The following ADGRV1 variants were observed in gnomAD, a reference collection of about 807,000 sequenced individuals.
The protein encoded by ADGRV1 is adhesion G protein-coupled receptor V1, also known as G-protein coupled receptor 98.
Under a neutral mutation model 596.2 loss-of-function variants are expected in ADGRV1, and 359 were observed. The ratio of observed to expected loss-of-function variants is 0.60; its 90% CI spans 0.55 to 0.66. The LOEUF is 0.66. Among genes scored for constraint, ADGRV1 ranks in the 30% least tolerant of loss-of-function variants. The pLI is 0.00. For synonymous variants in ADGRV1, 2,681 were observed against 2,679.2 expected, an observed-to-expected ratio of 1.00 and a Z score of -0.02; for missense variants, 7,274 against 7,575.6, an observed-to-expected ratio of 0.96 and a Z score of 1.48.
intron 21 of ADGRV1, among the ~76,000 whole-genome samples, chr5:90,665,800 T>A (rs1397454970): frequency 6.6e-6 from 1 of 151,044 alleles, no homozygotes; most frequent in Non-Finnish European, 1.5e-5. Flanking sequence ...TCCCAGAGAT[T>A]CTGGTATGTT....
chr5:91,120,295 G>A (rs1793197036), intron 87 of ADGRV1, among the ~76,000 whole-genome samples: 1 of 152,208 alleles, frequency 6.6e-6, no homozygotes, highest in Non-Finnish European at 1.5e-5. Flanking sequence ...GATTTTTCTA[G>A]AGAAGCCAGA....
intron 77 of ADGRV1, among the ~76,000 whole-genome samples, chr5:90,834,333 T>A (rs1409047382): frequency 6.6e-6 from 1 of 152,156 alleles, no homozygotes. Context: ...ATAGGACTGG[T>A]GTTGATAAAA....
chr5:90,839,441 C>T (rs1765246024), intron 77 of ADGRV1, among the ~76,000 whole-genome samples: 1 of 152,112 alleles, frequency 6.6e-6, no homozygotes, highest in African/African-American at 2.4e-5. Context: ...GTCTTGATCT[C>T]CTGACCTTGT....
At chr5:90,926,563 G>T (rs2150770981) in intron 83 of ADGRV1, among the ~76,000 whole-genome samples, 1 of 151,332 alleles carries the variant, frequency 6.6e-6, no homozygotes, top group East Asian at 1.9e-4. Context: ...TATCAATTTT[G>T]TTGATCCTTT....
intron 86 of ADGRV1, among the ~76,000 whole-genome samples, chr5:91,083,105 A>G (rs1789546188): frequency 6.6e-6 from 1 of 152,176 alleles, no homozygotes; most frequent in Non-Finnish European, 1.5e-5. Context: ...TTAAAAATGA[A>G]TGGTTAGCCA....
intron 83 of ADGRV1, among the ~76,000 whole-genome samples, chr5:90,932,053 C>T (rs1775299552): frequency 6.6e-6 from 1 of 152,128 alleles, no homozygotes; most frequent in Admixed American, 6.5e-5. Context: ...AAATTTTCCA[C>T]TTGCTAGAAG....
At chr5:91,006,866 A>G (rs969653750) in intron 85 of ADGRV1, among the ~76,000 whole-genome samples, 4 of 152,158 alleles carry the variant, frequency 2.6e-5, no homozygotes, top group African/African-American at 9.7e-5. Context: ...ATATCTTTGT[A>G]TAACCTCTGA....
chr5:90,730,049 G>A (rs1752348689), intron 50 of ADGRV1, among the ~76,000 whole-genome samples: 1 of 152,098 alleles, frequency 6.6e-6, no homozygotes, highest in Non-Finnish European at 1.5e-5. Context: ...TGTATTTTTA[G>A]TAGAGACGGG....
In ADGRV1 at chr5:90,703,765, T is replaced by C. The variant is rs1400073577; in HGVS notation, c.8256T>C (p.Ala2752=). ...GGCAAAATCTAGAACTCAATTTTGCTAACTTTAGCGGACAACTTTTCTTTC... is the reference window on the plus strand; with the variant it reads ...GGCAAAATCTAGAACTCAATTTTGCCAACTTTAGCGGACAACTTTTCTTTC... The part of the protein sequence containing the change: ...IIGQNLELNF[A]NFSGQLFFPE... Residue 2752 remains alanine (A), a synonymous_variant, in exon 35 of 90, where the codon GCT becomes GCC. Transcript: ENST00000405460. 1 of 1,602,086 alleles carries C rather than the reference T, an allele frequency of 6.2e-7. No homozygotes were observed. The highest frequency in any genetic ancestry group is 1.1e-5 in the South Asian group (1 of 88,592).
At chr5:90,839,251 A>G (rs1765228133) in intron 77 of ADGRV1, among the ~76,000 whole-genome samples, 1 of 151,792 alleles carries the variant, frequency 6.6e-6, no homozygotes, top group Non-Finnish European at 1.5e-5. Flanking sequence ...GTCTCACTCT[A>G]TTGCCCAGGC....
At chr5:90,860,255 A>G (rs1017546360) in intron 82 of ADGRV1, among the ~76,000 whole-genome samples, 2 of 152,092 alleles carry the variant, frequency 1.3e-5, no homozygotes, top group Non-Finnish European at 2.9e-5. Context: ...TAATACACAG[A>G]ACTTTTATAC....
At chr5:90,828,922 T>C (rs1434388549) in intron 76 of ADGRV1, 22 bp from the exon 77 acceptor site, 2 of 1,510,954 alleles carry the variant, frequency 1.3e-6, no homozygotes, top group African/African-American at 1.4e-5. Context: ...AGTTGTTTTT[T>C]TTTCCTTTTT....
Position 91,148,753 on chromosome 5 carries a change from T to G in ADGRV1, c.18433-1277T>G, listed in dbSNP as rs114738103. 7.6e-3 allele frequency among the ~76,000 whole-genome samples: 1,161 copies of G among 152,154 alleles called. 20 individuals carry two copies. Among genetic ancestry groups the G allele is most frequent in the African/African-American group, 0.027 (1,116 of 41,482 alleles). ...CCACAAACAGCATGCACTGTGTGCC[T>G]GGAAAAGCCACAGACACTCAAAGCC... On this transcript the variant is annotated intron_variant, in intron 87 of 89. Coordinates refer to ENST00000405460, the MANE Select transcript of ADGRV1 (RefSeq NM_032119.4).
chr5:90,591,713 T>G (rs1034514926), intron 1 of ADGRV1, among the ~76,000 whole-genome samples: 3 of 152,212 alleles, frequency 2.0e-5, no homozygotes, highest in Non-Finnish European at 4.4e-5. Context: ...ACTTTGAACC[T>G]GAAGTCCCAC....
At chr5:90,605,010 A>T (rs984436667) in intron 1 of ADGRV1, among the ~76,000 whole-genome samples, 9 of 152,206 alleles carry the variant, frequency 5.9e-5, no homozygotes, top group African/African-American at 2.2e-4. Flanking sequence ...ATGTAGTCCA[A>T]ATATAAACAG....
chr5:91,038,962 C>T (rs1422120870), intron 85 of ADGRV1, among the ~76,000 whole-genome samples: 2 of 152,058 alleles, frequency 1.3e-5, no homozygotes, highest in Non-Finnish European at 2.9e-5. Flanking sequence ...TTAATGCTCC[C>T]CATGTTGATT....
intron 86 of ADGRV1, among the ~76,000 whole-genome samples, chr5:91,090,901 G>GGGATA (rs1022997063): frequency 7.9e-5 from 12 of 152,056 alleles, no homozygotes; most frequent in Admixed American, 3.9e-4. Flanking sequence ...TAGAGTGGAT[G>GGGATA]GGATAGGATA....
intron 83 of ADGRV1, among the ~76,000 whole-genome samples, chr5:90,911,368 G>A (rs377721539): frequency 6.6e-5 from 10 of 152,144 alleles, no homozygotes; most frequent in Admixed American, 2.6e-4. Context: ...GGAAGCACCA[G>A]TGTGTCTCCT....
intron 86 of ADGRV1, among the ~76,000 whole-genome samples, chr5:91,087,075 T>G (rs1368972066): frequency 1.3e-5 from 2 of 152,182 alleles, no homozygotes; most frequent in Non-Finnish European, 1.5e-5. Context: ...GCCTCAATAT[T>G]TGTATGTTCA....
Sources: gnomAD v4.1 joint callset for allele counts (sites outside exome capture counted in the v4.1 genomes callset) on GRCh38, gnomAD v4.1.1 for gene constraint, MANE v1.5 for transcripts, NCBI Gene and HGNC (gene_info 2026-07-23, HGNC 2026-07-21) for gene names.